KIRREL3: variants seen among roughly 807,000 people sequenced by gnomAD.
KIRREL3 encodes kirre like nephrin family adhesion molecule 3, also known as kin of IRRE-like protein 3.
KIRREL3 carries 36 observed loss-of-function variants against 89.7 expected under a neutral mutation model. That is an observed-to-expected ratio of 0.40 (90% CI 0.31 to 0.53). KIRREL3 has a LOEUF of 0.53. KIRREL3 is among the 20% of genes least tolerant of loss of function. The probability of loss-of-function intolerance (pLI) is 0.49; values close to 1 mark genes in which losing one functional copy is unlikely to be tolerated. For synonymous variants in KIRREL3, 445 were observed against 441.4 expected (o/e 1.01, Z -0.10); for missense variants, 864 against 1,056.6 (o/e 0.82, Z 2.53).
intron 6 of KIRREL3, among the ~76,000 whole-genome samples, chr11:126,460,480 G>A (rs536888681): frequency 6.6e-6 from 1 of 152,342 alleles, no homozygotes; most frequent in East Asian, 1.9e-4. Flanking sequence ...AAGTGGCAGA[G>A]AGTTCAAAGC....
rs555351433 is a variant in KIRREL3 at position 126,472,551 on chromosome 11, T to G, written c.591+758A>C. 5.5e-4 allele frequency among the ~76,000 whole-genome samples: 83 copies of G among 152,256 alleles called. 1 individual carries two copies. Among genetic ancestry groups the G allele is most frequent in the Non-Finnish European group, 1.1e-3 (73 of 68,018 alleles). ...ATACTTGGGGGTTAGGATCTTGACA[T>G]AGAAATGTTGGGAGCCACAAACATT... On this transcript the variant is annotated intron_variant, in intron 5 of 16. Transcript: ENST00000525144.
intron 1 of KIRREL3, among the ~76,000 whole-genome samples, chr11:126,958,790 T>C (rs919749410): frequency 1.3e-5 from 2 of 152,238 alleles, no homozygotes; most frequent in African/African-American, 4.8e-5. Context: ...TTTTTAATAC[T>C]TTCTTAGTCT....
rs1174079086 is a variant in KIRREL3, at chr11:126,773,078, T to C, written c.56-210166A>G. Reference sequence around the variant, plus strand: ...AAAGACTGTTGTTGACCAAAGCCATTAGCTCCTAAAATACTGGGAATGAGG... The same window carrying C: ...AAAGACTGTTGTTGACCAAAGCCATCAGCTCCTAAAATACTGGGAATGAGG... On this transcript the variant is annotated intron_variant, in intron 1 of 16. Transcript: ENST00000525144. The surrounding 1 kb of genome is among the most constrained non-coding windows in gnomAD (Gnocchi z 4.2). 6.6e-6 allele frequency among the ~76,000 whole-genome samples: 1 copy of C among 152,200 alleles called. No individual in the cohort carries two copies. Among genetic ancestry groups the C allele is most frequent in the East Asian group, 1.9e-4 (1 of 5,196 alleles).
chr11:126,913,570 A>C (rs1187399292), intron 1 of KIRREL3, among the ~76,000 whole-genome samples: 1 of 152,226 alleles, frequency 6.6e-6, no homozygotes, highest in Admixed American at 6.5e-5. Context: ...GTCCATGAAG[A>C]GGAAGGAGCT....
intron 1 of KIRREL3, among the ~76,000 whole-genome samples, chr11:126,691,690 G>A (rs1488051883): frequency 1.3e-5 from 2 of 152,212 alleles, no homozygotes; most frequent in Admixed American, 1.3e-4. Flanking sequence ...AAAGTGCTTA[G>A]TTACTTTGGG....
intron 1 of KIRREL3, among the ~76,000 whole-genome samples, chr11:126,657,303 T>C (rs1029983647): frequency 1.3e-5 from 2 of 152,132 alleles, no homozygotes; most frequent in Admixed American, 1.3e-4. Flanking sequence ...CTCAAGGCTC[T>C]GAGGGGCCTA....
chr11:126,902,806 A>G (rs1372662705), intron 1 of KIRREL3, among the ~76,000 whole-genome samples: 2 of 152,148 alleles, frequency 1.3e-5, no homozygotes, highest in African/African-American at 4.8e-5. Context: ...AAGAGATGCA[A>G]TTTTGTATTC....
At chr11:126,659,799 A>T (rs902109556) in intron 1 of KIRREL3, among the ~76,000 whole-genome samples, 1 of 152,248 alleles carries the variant, frequency 6.6e-6, no homozygotes, top group African/African-American at 2.4e-5. Context: ...CTATGAGCAC[A>T]GCCCAGGAAT....
Position 126,808,404 on chromosome 11 carries a change from A to G in KIRREL3, c.55+192051T>C, listed in dbSNP as rs1336393459. 1.3e-5 allele frequency among the ~76,000 whole-genome samples: 2 copies of G among 152,088 alleles called. No individual in the cohort carries two copies. Among genetic ancestry groups the G allele is most frequent in the Non-Finnish European group, 2.9e-5 (2 of 68,016 alleles). ...GGGCTAACTCCCCCTCCCCTGCCCA[A>G]TGTGGTGGGAGGGCTCTGCTAAGAT... On this transcript the variant is annotated intron_variant, in intron 1 of 16. Coordinates refer to ENST00000525144, the MANE Select transcript of KIRREL3 (RefSeq NM_032531.4). This position sits in a 1 kb window ranked among gnomAD's most constrained non-coding sequence, Gnocchi z 4.1.
intron 4 of KIRREL3, among the ~76,000 whole-genome samples, chr11:126,505,221 A>T (rs1957982885): frequency 6.6e-6 from 1 of 152,260 alleles, no homozygotes; most frequent in Non-Finnish European, 1.5e-5. Flanking sequence ...TTCACAGACA[A>T]AATGCTCCTG....
rs1412301217 is a variant in KIRREL3 at position 126,550,083 on chromosome 11, G to A, written c.133+12752C>T. On this transcript the variant is annotated intron_variant, in intron 2 of 16. Coordinates refer to ENST00000525144, the MANE Select transcript of KIRREL3 (RefSeq NM_032531.4). The surrounding 1 kb of genome is among the most constrained non-coding windows in gnomAD (Gnocchi z 4.9). ...TTGTATTGTAGTTGCTGACGTGTTT[G>A]TCTCTCCCCGCAAGACAGTGGTATC... 1 of 152,204 alleles carries A rather than the reference G, an allele frequency of 6.6e-6. No homozygotes were observed. The highest frequency in any genetic ancestry group is 6.5e-5 in the Admixed American group (1 of 15,282). The allele number at this position is 152,204 out of a possible 1,614,324, so 9.4% of individuals were successfully genotyped here.
At chr11:126,988,074 T>G (rs1296511577) in intron 1 of KIRREL3, among the ~76,000 whole-genome samples, 2 of 152,066 alleles carry the variant, frequency 1.3e-5, no homozygotes, top group African/African-American at 4.8e-5. Flanking sequence ...AAAAGGAGGG[T>G]TTTGAAGTTC....
intron 4 of KIRREL3, among the ~76,000 whole-genome samples, chr11:126,504,135 T>A (rs77010090): frequency 0.012 from 1,763 of 152,258 alleles, 23 homozygotes; most frequent in Middle Eastern, 0.017. Flanking sequence ...TTTGTAGGGA[T>A]AAAAGGCCCC....
chr11:126,442,306 C>A (rs1955603259), intron 10 of KIRREL3, among the ~76,000 whole-genome samples: 1 of 58,474 alleles, frequency 1.7e-5, no homozygotes, highest in Non-Finnish European at 3.3e-5. Flanking sequence ...CATGCACAGA[C>A]ACACAAAACA....
intron 1 of KIRREL3, among the ~76,000 whole-genome samples, chr11:126,975,918 T>TCCCTC (rs1949558349): frequency 5.5e-5 from 2 of 36,544 alleles, no homozygotes; most frequent in East Asian, 2.0e-3. Context: ...CTCCCTCCCT[T>TCCCTC]CCTCCCTCCC....
chr11:126,827,077 T>C (rs1419180868), intron 1 of KIRREL3, among the ~76,000 whole-genome samples: 2 of 152,170 alleles, frequency 1.3e-5, no homozygotes, highest in South Asian at 4.1e-4. Context: ...TTTCCTGTTT[T>C]ACTGCTTGGT....
chr11:126,868,731 C>T (rs1945006262), intron 1 of KIRREL3, among the ~76,000 whole-genome samples: 1 of 152,130 alleles, frequency 6.6e-6, no homozygotes, highest in Non-Finnish European at 1.5e-5. Flanking sequence ...ACTCTACTGG[C>T]AGTCTGCTTG....
intron 1 of KIRREL3, among the ~76,000 whole-genome samples, chr11:126,962,124 T>G (rs954411048): frequency 1.3e-5 from 2 of 152,218 alleles, no homozygotes; most frequent in Non-Finnish European, 2.9e-5. Context: ...CCCATTCTGA[T>G]TTCTATTTCA....
chr11:126,446,809 T>C lies in KIRREL3; in HGVS notation c.1075A>G (p.Thr359Ala), dbSNP rs771567846. Residue 359 changes from threonine (T) to alanine (A), a missense_variant, in exon 9 of 17, where the codon ACC becomes GCC. Coordinates refer to ENST00000525144, the MANE Select transcript of KIRREL3 (RefSeq NM_032531.4). ...GSDAIFSCAW[T>A]GNPSLTIVWM... ...ACGATGGTCAGGGATGGGTTGCCGG[T>C]CCAGGCGCAGCTGAAGATGGCATCA... The C allele has an allele frequency of 1.9e-6, 3 of 1,602,080 alleles. No individual in the cohort carries two copies. Among genetic ancestry groups the C allele is most frequent in the Non-Finnish European group, 1.7e-6 (2 of 1,174,552 alleles).
Sources: allele counts gnomAD v4.1 joint callset (sites outside exome capture counted in the v4.1 genomes callset), GRCh38; gene constraint gnomAD v4.1.1; non-coding constraint Gnocchi (gnomAD v3.1); transcripts MANE v1.5; gene names NCBI Gene and HGNC (gene_info 2026-07-23, HGNC 2026-07-21).